RANBP9: variants seen among roughly 807,000 people sequenced by gnomAD.
The protein encoded by RANBP9 is ran-binding protein 9.
In RANBP9, 15 loss-of-function variants were observed where a neutral mutation model predicts 84.3. That is an observed-to-expected ratio of 0.18 (90% CI 0.12 to 0.27). RANBP9 has a LOEUF of 0.27. RANBP9 is among the 10% of genes least tolerant of loss of function. The pLI is 1.00. For synonymous variants in RANBP9, 392 were observed against 349.6 expected (o/e 1.12, Z -1.35); for missense variants, 809 against 912.8 (o/e 0.89, Z 1.46).
intron 1 of RANBP9, among the ~76,000 whole-genome samples, chr6:13,710,302 G>A (rs1247519189): frequency 6.6e-6 from 1 of 152,136 alleles, no homozygotes; most frequent in Non-Finnish European, 1.5e-5. Context: ...CCAATCGGGA[G>A]GGGTAGGTTT....
intron 2 of RANBP9, among the ~76,000 whole-genome samples, chr6:13,690,162 T>C (rs543852260): frequency 2.8e-4 from 43 of 152,236 alleles, no homozygotes; most frequent in Non-Finnish European, 5.7e-4. Context: ...TTCAGTTCAC[T>C]CACTGTATTA....
At chr6:13,680,931 T>C (rs1172561538) in intron 2 of RANBP9, among the ~76,000 whole-genome samples, 3 of 152,024 alleles carry the variant, frequency 2.0e-5, no homozygotes, top group African/African-American at 7.2e-5. Flanking sequence ...AACCAAAAAA[T>C]CCTCGAAGTA....
chr6:13,684,730 A>G (rs578235750), intron 2 of RANBP9, among the ~76,000 whole-genome samples: 2 of 152,324 alleles, frequency 1.3e-5, no homozygotes, highest in Non-Finnish European at 1.5e-5. Context: ...GGGATACTCT[A>G]ACGGGTAGGA....
chr6:13,699,508 T>C (rs192853377), intron 1 of RANBP9, among the ~76,000 whole-genome samples: 1 of 152,302 alleles, frequency 6.6e-6, no homozygotes, highest in African/African-American at 2.4e-5. Flanking sequence ...ACAATATTTG[T>C]GCATACTTAC....
intron 13 of RANBP9, among the ~76,000 whole-genome samples, chr6:13,625,437 C>A (rs1209404424): frequency 6.6e-6 from 1 of 152,172 alleles, no homozygotes; most frequent in African/African-American, 2.4e-5. Flanking sequence ...CCAAACATCC[C>A]AAGTTGTACC....
At chr6:13,654,218 C>A (rs1437409406) in intron 4 of RANBP9, among the ~76,000 whole-genome samples, 1 of 152,074 alleles carries the variant, frequency 6.6e-6, no homozygotes, top group Admixed American at 6.6e-5. Context: ...CTCAATCAGA[C>A]CACGAAAAGA....
chr6:13,638,077 T>C, intron 9 of RANBP9, 122 bp from the exon 10 acceptor site: 3 of 802,954 alleles, frequency 3.7e-6, no homozygotes, highest in South Asian at 4.8e-5. Flanking sequence ...CAATGGATGA[T>C]GTAAACAGGT....
chr6:13,710,893 G>A (rs547547895), intron 1 of RANBP9, 42 bp downstream of exon 1: 56 of 1,544,876 alleles, frequency 3.6e-5, no homozygotes, highest in Non-Finnish European at 4.6e-5. Flanking sequence ...CGGCCACGTC[G>A]GGTCAGTGCC....
At chr6:13,689,214 T>C (rs1431251612) in intron 2 of RANBP9, among the ~76,000 whole-genome samples, 2 of 151,504 alleles carry the variant, frequency 1.3e-5, no homozygotes, top group African/African-American at 4.8e-5. Flanking sequence ...TAGAGTATAT[T>C]TCACCCTAGA....
At chr6:13,676,984 T>G (rs1172566303) in intron 2 of RANBP9, among the ~76,000 whole-genome samples, 1 of 152,144 alleles carries the variant, frequency 6.6e-6, no homozygotes, top group African/African-American at 2.4e-5. Flanking sequence ...ACGGCTCTTA[T>G]TCAACATCAT....
At chr6:13,647,633 T>G (rs1251414852) in intron 5 of RANBP9, among the ~76,000 whole-genome samples, 1 of 152,154 alleles carries the variant, frequency 6.6e-6, no homozygotes, top group Non-Finnish European at 1.5e-5. Context: ...TATATTCAAG[T>G]TAAAACAAAC....
rs1347771424 is a variant in RANBP9, at chr6:13,632,488, C to A, written c.1829G>T (p.Cys610Phe). The A allele has an allele frequency of 6.2e-7, 1 of 1,613,668 alleles. No homozygotes were observed. Among genetic ancestry groups the A allele is most frequent in the Non-Finnish European group, 8.5e-7 (1 of 1,179,764 alleles). ...VDSSQLRRQL[C>F]GGSQAAIERM... Reference sequence around the variant, plus strand: ...TTCTATGGCGGCCTGACTTCCTCCACACAACTGGCGTCTCAACTGACTTGA... The same window carrying A: ...TTCTATGGCGGCCTGACTTCCTCCAAACAACTGGCGTCTCAACTGACTTGA... Residue 610 changes from cysteine to phenylalanine, a missense_variant, in exon 12 of 14, where the codon TGT (cysteine) becomes TTT (phenylalanine). This residue lies in a region of RANBP9 where 233 missense variants were observed against 234.4 expected (regional missense o/e 0.99). Transcript: ENST00000011619.
chr6:13,628,507 T>A (rs1764688088), intron 12 of RANBP9, among the ~76,000 whole-genome samples: 1 of 152,220 alleles, frequency 6.6e-6, no homozygotes, highest in Non-Finnish European at 1.5e-5. Context: ...AAATAAGGTT[T>A]TAAATGAAGG....
chr6:13,659,078 G>A (rs942708985), intron 2 of RANBP9, among the ~76,000 whole-genome samples: 2 of 151,906 alleles, frequency 1.3e-5, no homozygotes, highest in African/African-American at 4.8e-5. Flanking sequence ...TTAATATACA[G>A]CTATGCACTC....
At chr6:13,692,527 CAAAAA>C (rs61237158) in intron 2 of RANBP9, among the ~76,000 whole-genome samples, 2 of 28,716 alleles carry the variant, frequency 7.0e-5, no homozygotes, top group African/African-American at 1.3e-4. Flanking sequence ...AACTCCGTCT[CAAAAA>C]AAAAAAAAAA....
intron 2 of RANBP9, among the ~76,000 whole-genome samples, chr6:13,659,971 T>TTA (rs1343438892): frequency 2.0e-5 from 3 of 152,196 alleles, no homozygotes; most frequent in Non-Finnish European, 2.9e-5. Flanking sequence ...GTTGGTATGA[T>TTA]TATATACATA....
At position 13,705,949 on chromosome 6, in the gene RANBP9, T is replaced by C. The variant is rs145063854; in HGVS notation, c.571+4986A>G. Reference sequence around the variant, plus strand: ...CATTTGCACTTGTAAGCAAGCATGCTGAAATATCTGTTCAAACTTAAAAAG... The same window carrying C: ...CATTTGCACTTGTAAGCAAGCATGCCGAAATATCTGTTCAAACTTAAAAAG... On this transcript the variant is annotated intron_variant, in intron 1 of 13. Transcript: ENST00000011619. Among the ~76,000 whole-genome samples the C allele has an allele frequency of 3.3e-3, 496 of 151,954 alleles. 2 individuals are homozygous for C. The highest frequency in any genetic ancestry group is 0.012 in the African/African-American group (482 of 41,382).
At chr6:13,644,436 G>T in intron 6 of RANBP9, 109 bp downstream of exon 6, 1 of 1,017,818 alleles carries the variant, frequency 9.8e-7, no homozygotes, top group Non-Finnish European at 1.4e-6. Context: ...TAATAGATAT[G>T]TCAGTATATA....
At chr6:13,626,482 A>AT (rs1764608260) in intron 12 of RANBP9, among the ~76,000 whole-genome samples, 1 of 152,206 alleles carries the variant, frequency 6.6e-6, no homozygotes, top group Non-Finnish European at 1.5e-5. Flanking sequence ...ATTACTGCAT[A>AT]ATGGGGACTA....
Sources: allele counts gnomAD v4.1 joint callset (sites outside exome capture counted in the v4.1 genomes callset), GRCh38; gene constraint gnomAD v4.1.1; regional missense constraint gnomAD v4.1.1; transcripts MANE v1.5; gene names NCBI Gene and HGNC (gene_info 2026-07-23, HGNC 2026-07-21).